Variants in PIK3R5 observed in about 807,000 individuals in gnomAD.
PIK3R5 encodes phosphoinositide 3-kinase regulatory subunit 5.
A neutral mutation model predicts 94.9 loss-of-function variants in PIK3R5; 32 were observed. That is an observed-to-expected ratio of 0.34 (90% CI 0.25 to 0.45). The LOEUF (loss-of-function observed/expected upper bound fraction) is 0.45, where lower values mean the gene tolerates loss of function less well. Ranked by LOEUF, PIK3R5 falls within the 20% of genes least tolerant of loss-of-function variation. The pLI is 1.00. For missense variants in PIK3R5, 853 were observed against 1,144.6 expected, an observed-to-expected ratio of 0.75 and a Z score of 3.68; for synonymous variants, 443 against 479.4, an observed-to-expected ratio of 0.92 and a Z score of 0.99.
At chr17:8,951,273 G>A (rs781779752) in intron 1 of PIK3R5, among the ~76,000 whole-genome samples, 24 of 152,216 alleles carry the variant, frequency 1.6e-4, no homozygotes, top group Admixed American at 3.9e-4. Flanking sequence ...AGTTTTGTGC[G>A]TACAGTTCTA....
chr17:8,947,124 T>C (rs1270483945), intron 1 of PIK3R5, among the ~76,000 whole-genome samples: 1 of 151,068 alleles, frequency 6.6e-6, no homozygotes, highest in African/African-American at 2.5e-5. Flanking sequence ...CTGACTGAGA[T>C]ACAGATGCGG....
At position 8,941,556 on chromosome 17, in the gene PIK3R5, C is replaced by G. The variant is rs139253479; in HGVS notation, c.-14+24040G>C. ...AATGTTTCCTGTTTTTCTAACAAAT[C>G]ACCAATGATTTCCAAGAAAAGCAAG... On this transcript the variant is annotated intron_variant, in intron 1 of 18. Coordinates refer to ENST00000447110, the MANE Select transcript of PIK3R5 (RefSeq NM_001142633.3). 3.2e-4 allele frequency among the ~76,000 whole-genome samples: 48 copies of G among 152,354 alleles called. No individual in the cohort carries two copies. The East Asian group carries it at 9.0e-3, about 29-fold the overall frequency.
chr17:8,948,244 G>A lies in PIK3R5; in HGVS notation c.-14+17352C>T, dbSNP rs573717335. 2.6e-5 allele frequency among the ~76,000 whole-genome samples: 4 copies of A among 152,208 alleles called. No individual in the cohort carries two copies. In the South Asian group the frequency reaches 6.2e-4, roughly 24 times the overall value. ...CCATCTTTTCCTCCACTTATAAGTA[G>A]GAGCTAAAGCTTTACCATGATAAGC... On this transcript the variant is annotated intron_variant, in intron 1 of 18. Transcript: ENST00000447110.
At chr17:8,903,169 T>A (rs2090326324) in intron 5 of PIK3R5, among the ~76,000 whole-genome samples, 1 of 152,192 alleles carries the variant, frequency 6.6e-6, no homozygotes, top group African/African-American at 2.4e-5. Flanking sequence ...TCTAACTCAA[T>A]ATTTTTTATG....
chr17:8,934,986 C>T (rs1456017925), intron 1 of PIK3R5, among the ~76,000 whole-genome samples: 1 of 152,316 alleles, frequency 6.6e-6, no homozygotes, highest in South Asian at 2.1e-4. Flanking sequence ...CCTGCATGTG[C>T]TGCCTCTGCC....
intron 1 of PIK3R5, among the ~76,000 whole-genome samples, chr17:8,951,739 C>T (rs1215182489): frequency 1.3e-5 from 2 of 152,140 alleles, no homozygotes; most frequent in African/African-American, 4.8e-5. Context: ...AAGCTTACTC[C>T]ACAACAGAAG....
intron 3 of PIK3R5, among the ~76,000 whole-genome samples, chr17:8,908,479 C>T (rs1567648647): frequency 6.8e-6 from 1 of 147,818 alleles, no homozygotes; most frequent in South Asian, 2.2e-4. Context: ...GATAGGTAGC[C>T]GAGAGTGAAA....
chr17:8,929,959 C>A (rs542918939), intron 1 of PIK3R5, among the ~76,000 whole-genome samples: 1 of 152,092 alleles, frequency 6.6e-6, no homozygotes, highest in Admixed American at 6.6e-5. Context: ...CAAAAGCGAT[C>A]GAATTTAAAA....
At chr17:8,954,331 G>C (rs2091430647) in intron 1 of PIK3R5, among the ~76,000 whole-genome samples, 1 of 152,148 alleles carries the variant, frequency 6.6e-6, no homozygotes, top group African/African-American at 2.4e-5. Context: ...TGTCCTCCAG[G>C]GTCAAGTAGG....
Position 8,884,809 on chromosome 17 carries a change from C to T in PIK3R5, c.2129-26G>A. ...CTGTGCCACACACAGACAGACCCTT[C>T]ACTACCCCTGGCTTCCCCGGCTCCT... On this transcript the variant is annotated intron_variant, in intron 14 of 18. Coordinates refer to ENST00000447110, the MANE Select transcript of PIK3R5 (RefSeq NM_001142633.3). The surrounding 1 kb of genome is among the most constrained non-coding windows in gnomAD (Gnocchi z 5.8). 6.2e-7 allele frequency: 1 copy of T among 1,609,184 alleles called. No homozygotes were observed.
Position 8,904,208 on chromosome 17 carries a change from C to T in PIK3R5, c.412+569G>A, listed in dbSNP as rs1050670875. 6.6e-6 allele frequency among the ~76,000 whole-genome samples: 1 copy of T among 152,168 alleles called. No individual in the cohort carries two copies. The highest frequency in any genetic ancestry group is 2.4e-5 in the African/African-American group (1 of 41,430). On this transcript the variant is annotated intron_variant, in intron 5 of 18. Transcript: ENST00000447110. The surrounding 1 kb of genome is among the most constrained non-coding windows in gnomAD (Gnocchi z 5.1). The stretch of plus-strand genomic sequence containing the variant: ...CCTGCACTACTGTAGCTTCCTTAGA[C>T]CTGATTTGCATGTCTATGACAGCAC...
At chr17:8,942,501 G>C (rs998685359) in intron 1 of PIK3R5, among the ~76,000 whole-genome samples, 1 of 152,188 alleles carries the variant, frequency 6.6e-6, no homozygotes, top group Non-Finnish European at 1.5e-5. Flanking sequence ...ACAGGGGCAG[G>C]TTCAAAAGAC....
intron 1 of PIK3R5, among the ~76,000 whole-genome samples, chr17:8,946,554 TG>T (rs2091275015): frequency 6.6e-6 from 1 of 151,772 alleles, no homozygotes; most frequent in Non-Finnish European, 1.5e-5. Flanking sequence ...AACCTAAGTG[TG>T]TTTACTCAAA....
At chr17:8,901,073 C>T (rs897479554) in intron 5 of PIK3R5, among the ~76,000 whole-genome samples, 4 of 152,358 alleles carry the variant, frequency 2.6e-5, no homozygotes, top group African/African-American at 9.6e-5. Context: ...GAACTTCAGT[C>T]ACCAACCAGA....
At chr17:8,946,578 C>A (rs1011504676) in intron 1 of PIK3R5, among the ~76,000 whole-genome samples, 5 of 151,942 alleles carry the variant, frequency 3.3e-5, no homozygotes, top group Non-Finnish European at 7.4e-5. Context: ...AAAATTCTTA[C>A]CAAGTGAATA....
intron 1 of PIK3R5, among the ~76,000 whole-genome samples, chr17:8,943,856 T>C (rs1390425319): frequency 2.0e-5 from 3 of 151,138 alleles, no homozygotes; most frequent in Non-Finnish European, 4.4e-5. Flanking sequence ...TTCTGAAACA[T>C]TGTCTGCTGT....
At chr17:8,891,870 C>T (rs1163070358) in intron 6 of PIK3R5, among the ~76,000 whole-genome samples, 3 of 152,068 alleles carry the variant, frequency 2.0e-5, no homozygotes, top group Non-Finnish European at 4.4e-5. Context: ...TCCCAAAGTG[C>T]TGGGATCACA....
At position 8,911,681 on chromosome 17, in the gene PIK3R5, C is replaced by T; in HGVS notation, c.-13-174G>A. The T allele has an allele frequency of 1.8e-6, 1 of 567,496 alleles. No homozygotes were observed. The highest frequency in any genetic ancestry group is 2.1e-5 in the South Asian group (1 of 48,556). The allele number at this position is 567,496 out of a possible 1,614,324, so 35.2% of individuals were successfully genotyped here. ...ACAGCTGCCTCCAGGGTAGGAATGG[C>T]ATCTGGAGGGCCACATCTGAGTGGC... On this transcript the variant is annotated intron_variant, in intron 1 of 18. Transcript: ENST00000447110. This position sits in a 1 kb window ranked among gnomAD's most constrained non-coding sequence, Gnocchi z 5.3.
At chr17:8,949,833 T>C (rs1726932285) in intron 1 of PIK3R5, among the ~76,000 whole-genome samples, 1 of 152,172 alleles carries the variant, frequency 6.6e-6, no homozygotes, top group Non-Finnish European at 1.5e-5. Flanking sequence ...CACCAAAATC[T>C]CACAAGTCAC....
Sources: gnomAD v4.1 joint callset for allele counts (sites outside exome capture counted in the v4.1 genomes callset) on GRCh38, gnomAD v4.1.1 for gene constraint, Gnocchi (gnomAD v3.1) non-coding constraint, MANE v1.5 for transcripts, NCBI Gene and HGNC (gene_info 2026-07-23, HGNC 2026-07-21) for gene names.